Variants in AP1B1 observed in about 807,000 individuals in gnomAD.
The protein encoded by AP1B1 is adaptor related protein complex 1 subunit beta 1, also known as AP-1 complex subunit beta-1.
Under a neutral mutation model 104.3 loss-of-function variants are expected in AP1B1, and 36 were observed. That is an observed-to-expected ratio of 0.35 (90% CI 0.26 to 0.46). The LOEUF (loss-of-function observed/expected upper bound fraction) is 0.46. Among genes scored for constraint, AP1B1 ranks in the 20% least tolerant of loss-of-function variants. AP1B1 has a pLI of 1.00. For missense variants in AP1B1, 901 were observed against 1,247.9 expected (o/e 0.72, Z 4.19); for synonymous variants, 504 against 517.5 (o/e 0.97, Z 0.35).
rs9613875 is a variant in AP1B1 at position 29,365,870 on chromosome 22, T to C, written c.37+1337A>G. 7.3e-3 allele frequency among the ~76,000 whole-genome samples: 1,111 copies of C among 151,948 alleles called. 9 individuals are homozygous for C. The highest frequency in any genetic ancestry group is 0.011 in the Non-Finnish European group (751 of 67,968). On this transcript the variant is annotated intron_variant, in intron 2 of 22. Transcript: ENST00000357586. ...CTCCCACAGTCCCCCCTGGACCCAGTACACTTCAGTGTGGTTACTACTCTA... is the reference window on the plus strand; with the variant it reads ...CTCCCACAGTCCCCCCTGGACCCAGCACACTTCAGTGTGGTTACTACTCTA...
At chr22:29,386,521 G>C (rs2148067494) in intron 1 of AP1B1, among the ~76,000 whole-genome samples, 1 of 152,314 alleles carries the variant, frequency 6.6e-6, no homozygotes, top group East Asian at 1.9e-4. Context: ...GAAGCTCTGA[G>C]CTCTGCTCAT....
chr22:29,340,067 C>G (rs1468260487), intron 14 of AP1B1, among the ~76,000 whole-genome samples: 1 of 152,136 alleles, frequency 6.6e-6, no homozygotes, highest in East Asian at 1.9e-4. Context: ...CCGTGCGGAC[C>G]TGAGCCGAGC....
At chr22:29,351,900 C>G (rs2061881339) in intron 7 of AP1B1, 75 bp from the exon 8 acceptor site, 1 of 1,571,652 alleles carries the variant, frequency 6.4e-7, no homozygotes, top group East Asian at 2.2e-5. Flanking sequence ...TCCACATTTG[C>G]TGGGACATTT....
chr22:29,343,865 C>T (rs1288693293), intron 11 of AP1B1, among the ~76,000 whole-genome samples: 1 of 152,066 alleles, frequency 6.6e-6, no homozygotes, highest in Admixed American at 6.5e-5. Context: ...AATCCCAGCA[C>T]TTTGGGAGGC....
At chr22:29,329,990 CCTCAAAGGCTGGGAGGTTCAGG>C in intron 21 of AP1B1, 2 of 1,414,494 alleles carry the variant, frequency 1.4e-6, no homozygotes, top group Non-Finnish European at 1.8e-6. Flanking sequence ...AACAGGTCTA[CCTCAAAGGCTGGGAGGTTCAGG>C]CTCCTGGGAA....
chr22:29,368,419 A>C (rs2062177770), intron 1 of AP1B1, among the ~76,000 whole-genome samples: 1 of 152,264 alleles, frequency 6.6e-6, no homozygotes, highest in Non-Finnish European at 1.5e-5. Context: ...TCTGGGCAAC[A>C]GATGAAAGAA....
intron 16 of AP1B1, among the ~76,000 whole-genome samples, chr22:29,337,141 C>T (rs1428988445): frequency 3.3e-5 from 5 of 152,218 alleles, no homozygotes; most frequent in East Asian, 1.9e-4. Context: ...GTGGTTCTCA[C>T]GCTCTGTGGG....
intron 6 of AP1B1, among the ~76,000 whole-genome samples, chr22:29,355,615 G>A (rs143015825): frequency 5.3e-5 from 8 of 152,130 alleles, no homozygotes; most frequent in Admixed American, 4.6e-4. Flanking sequence ...GGGTTGCTAG[G>A]GGCTTAACTG....
chr22:29,332,465 A>T (rs1300905060), intron 17 of AP1B1: 3 of 152,458 alleles, frequency 2.0e-5, no homozygotes, highest in African/African-American at 7.2e-5. Flanking sequence ...GCACAGTGAC[A>T]AATTAGGAAG....
chr22:29,338,580 T>C (rs903698351), intron 16 of AP1B1, among the ~76,000 whole-genome samples: 4 of 152,190 alleles, frequency 2.6e-5, no homozygotes, highest in African/African-American at 7.2e-5. Context: ...AGCCCACCAA[T>C]TGCATTTAAG....
rs1007088105 is a variant in AP1B1 at position 29,363,226 on chromosome 22, G to A, written c.38-120C>T. ...TAAGACATCCTATGCTGTTGGCTGA[G>A]GGAAGCTTCAGGCGCCTGGCCTCAG... On this transcript the variant is annotated intron_variant, in intron 2 of 22. Transcript: ENST00000357586. 9.5e-5 allele frequency: 60 copies of A among 634,702 alleles called. 1 individual carries two copies. The highest frequency in any genetic ancestry group is 4.1e-4 in the Middle Eastern group (1 of 2,428). 39.3% of individuals were successfully genotyped at this position (634,702 alleles called of 1,614,324 possible).
At chr22:29,384,846 C>T (rs1246020992) in intron 1 of AP1B1, among the ~76,000 whole-genome samples, 1 of 150,938 alleles carries the variant, frequency 6.6e-6, no homozygotes, top group African/African-American at 2.4e-5. Context: ...CCAGCATGGG[C>T]GAAAAAGCGA....
intron 1 of AP1B1, among the ~76,000 whole-genome samples, chr22:29,387,484 T>C (rs568986385): frequency 1.3e-5 from 2 of 151,798 alleles, no homozygotes; most frequent in South Asian, 4.2e-4. Context: ...ATTTTTGTAT[T>C]TTTATTGGAG....
At chr22:29,362,930 A>C (rs2062073712) in intron 3 of AP1B1, 71 bp downstream of exon 3, 1 of 859,386 alleles carries the variant, frequency 1.2e-6, no homozygotes, top group Non-Finnish European at 2.0e-6. Flanking sequence ...GGAGAGACTG[A>C]AGTGGACCCA....
At chr22:29,338,061 G>A (rs1190486998) in intron 16 of AP1B1, among the ~76,000 whole-genome samples, 3 of 152,186 alleles carry the variant, frequency 2.0e-5, no homozygotes, top group Non-Finnish European at 4.4e-5. Flanking sequence ...TTGGGGGTGT[G>A]CCCTAGGTGG....
chr22:29,339,922 C>T (rs138723090), intron 14 of AP1B1, 148 bp from the exon 15 acceptor site: 14 of 877,962 alleles, frequency 1.6e-5, no homozygotes, highest in Non-Finnish European at 2.5e-5. Flanking sequence ...GGTGTGAGGT[C>T]TGGCGAGAGG....
chr22:29,345,359 C>T (rs1183944354), intron 11 of AP1B1, among the ~76,000 whole-genome samples: 2 of 144,948 alleles, frequency 1.4e-5, no homozygotes, highest in African/African-American at 5.1e-5. Flanking sequence ...ACCCAGTTAA[C>T]AAGTTTTGTT....
chr22:29,331,986 C>T (rs1185371468), intron 17 of AP1B1, 70 bp from the exon 18 acceptor site: 40 of 1,455,170 alleles, frequency 2.7e-5, no homozygotes, highest in African/African-American at 5.6e-5. Flanking sequence ...TGAGCTCCTC[C>T]GACTCGGGAG....
intron 1 of AP1B1, among the ~76,000 whole-genome samples, chr22:29,376,113 A>G (rs2062337017): frequency 6.6e-6 from 1 of 152,198 alleles, no homozygotes. Context: ...TTCCAAAGGG[A>G]AAAAAAGAGA....
Sources: allele counts gnomAD v4.1 joint callset (sites outside exome capture counted in the v4.1 genomes callset), GRCh38; gene constraint gnomAD v4.1.1; transcripts MANE v1.5; gene names NCBI Gene and HGNC (gene_info 2026-07-23, HGNC 2026-07-21).